The following LMNB1 variants were observed in gnomAD, a reference collection of about 807,000 sequenced individuals.
LMNB1 encodes the protein lamin-B1.
LMNB1 carries 23 observed loss-of-function variants against 67.1 expected under a neutral mutation model. The ratio of observed to expected loss-of-function variants is 0.34; its 90% CI spans 0.25 to 0.49. LMNB1 has a LOEUF of 0.49. Among genes scored for constraint, LMNB1 ranks in the 20% least tolerant of loss-of-function variants. The probability of loss-of-function intolerance (pLI) is 0.99; values close to 1 mark genes in which losing one functional copy is unlikely to be tolerated. For missense variants in LMNB1, 634 were observed against 746.5 expected, an observed-to-expected ratio of 0.85 and a Z score of 1.76; for synonymous variants, 281 against 282.9, an observed-to-expected ratio of 0.99 and a Z score of 0.07.
intron 7 of LMNB1, among the ~76,000 whole-genome samples, chr5:126,821,518 T>C (rs1222650631): frequency 6.6e-6 from 1 of 152,124 alleles, no homozygotes; most frequent in African/African-American, 2.4e-5. Context: ...AATAAAAAGC[T>C]TACTGAAAGA....
Position 126,777,722 on chromosome 5 carries a change from G to T in LMNB1, c.214G>T (p.Gly72Cys). Residue 72 changes from glycine to cysteine, a missense_variant, in exon 1 of 11, where the codon GGC (glycine) becomes TGC (cysteine). Gly to Cys is a radical substitution (Grantham distance 159, BLOSUM62 -3). Transcript: ENST00000261366. Reference sequence around the variant, plus strand: ...GGTGACGGAGCGCGAGGAGGTGCGCGGCCGTGAGCTCACCGGCCTCAAGGC... The same window carrying T: ...GGTGACGGAGCGCGAGGAGGTGCGCTGCCGTGAGCTCACCGGCCTCAAGGC... ...LQVTEREEVR[G>C]RELTGLKALY... The T allele has an allele frequency of 6.5e-7, 1 of 1,542,206 alleles. No individual in the cohort carries two copies. The highest frequency in any genetic ancestry group is 8.7e-7 in the Non-Finnish European group (1 of 1,143,332).
intron 1 of LMNB1, among the ~76,000 whole-genome samples, chr5:126,802,625 A>G (rs1164947922): frequency 6.6e-6 from 1 of 151,710 alleles, no homozygotes; most frequent in Non-Finnish European, 1.5e-5. Context: ...TGTATTTTTT[A>G]TAGAGACAGG....
intron 1 of LMNB1, among the ~76,000 whole-genome samples, chr5:126,789,835 G>A (rs1018520470): frequency 5.3e-5 from 8 of 152,008 alleles, no homozygotes; most frequent in Non-Finnish European, 1.0e-4. Context: ...CAACGAGCCC[G>A]ACTAATTTTT....
intron 1 of LMNB1, among the ~76,000 whole-genome samples, chr5:126,795,441 T>C (rs1257520215): frequency 6.6e-6 from 1 of 151,906 alleles, no homozygotes; most frequent in Non-Finnish European, 1.5e-5. Context: ...CCTGGCCTCC[T>C]AATTCATTTT....
intron 1 of LMNB1, among the ~76,000 whole-genome samples, chr5:126,799,358 A>G (rs1451774214): frequency 6.6e-6 from 1 of 152,242 alleles, no homozygotes; most frequent in African/African-American, 2.4e-5. Context: ...CTAAGGAGGA[A>G]GAGGAAAAAT....
intron 1 of LMNB1, among the ~76,000 whole-genome samples, chr5:126,779,044 A>G (rs902728484): frequency 2.4e-4 from 36 of 152,208 alleles, no homozygotes; most frequent in Non-Finnish European, 5.0e-4. Flanking sequence ...CGCCATTAGC[A>G]CTGCCAGCTG....
intron 1 of LMNB1, among the ~76,000 whole-genome samples, chr5:126,791,217 A>G (rs1440002149): frequency 1.3e-5 from 2 of 151,822 alleles, no homozygotes; most frequent in Admixed American, 6.6e-5. Flanking sequence ...CATTGTGTTG[A>G]TCATCTGATT....
chr5:126,792,871 C>T lies in LMNB1; in HGVS notation c.360-11905C>T, dbSNP rs564891019. ...GATTACAGGCATGAGCCACCGCGCC[C>T]GGCAGCACTAGGGATTTTAAGCAGA... is the stretch of plus-strand genomic sequence containing the variant. On this transcript the variant is annotated intron_variant, in intron 1 of 10. Transcript: ENST00000261366. 4.0e-5 allele frequency among the ~76,000 whole-genome samples: 6 copies of T among 151,884 alleles called. No individual in the cohort carries two copies. The South Asian group carries it at 6.3e-4, about 16-fold the overall frequency.
chr5:126,819,196 T>G (rs776741803), intron 6 of LMNB1, 54 bp downstream of exon 6: 14 of 1,195,470 alleles, frequency 1.2e-5, no homozygotes, highest in Non-Finnish European at 1.7e-5. Flanking sequence ...CCTCTCACCC[T>G]TTTTATTGAA....
At chr5:126,829,886 T>C (rs750093911) in intron 9 of LMNB1, among the ~76,000 whole-genome samples, 1 of 152,026 alleles carries the variant, frequency 6.6e-6, no homozygotes, top group Non-Finnish European at 1.5e-5. Flanking sequence ...GGGGCTCTTA[T>C]TCAGGAGGGA....
intron 6 of LMNB1, 103 bp from the exon 7 acceptor site, chr5:126,820,807 C>A: frequency 1.1e-6 from 1 of 879,720 alleles, no homozygotes; most frequent in Non-Finnish European, 1.7e-6. Flanking sequence ...GGGTTACAGA[C>A]ATGAGCCTCT....
Position 126,810,214 on chromosome 5 carries a change from G to T in LMNB1, c.677G>T (p.Arg226Leu). The change falls in exon 4 of 11, where the codon CGC (arginine) becomes CTC (leucine). Residue 226 changes from arginine to leucine, a missense_variant. Coordinates refer to ENST00000261366, the MANE Select transcript of LMNB1 (RefSeq NM_005573.4). ...GAGACCAGAAGGAAGCATGAAACGC[G>T]CTTGGTAGAGGTGGATTCTGGGCGT... ...INETRRKHET[R>L]LVEVDSGRQI... 6.2e-7 allele frequency: 1 copy of T among 1,613,326 alleles called. No homozygotes were observed. Among genetic ancestry groups the T allele is most frequent in the Non-Finnish European group, 8.5e-7 (1 of 1,179,358 alleles).
intron 1 of LMNB1, among the ~76,000 whole-genome samples, chr5:126,781,068 C>T (rs1185474896): frequency 6.6e-6 from 1 of 152,122 alleles, no homozygotes; most frequent in Non-Finnish European, 1.5e-5. Context: ...GCAGGTGGAT[C>T]ACCTGAAGTC....
chr5:126,832,082 G>A (rs1247358400), intron 9 of LMNB1, among the ~76,000 whole-genome samples: 1 of 152,026 alleles, frequency 6.6e-6, no homozygotes, highest in Non-Finnish European at 1.5e-5. Context: ...CCTGGCCAAC[G>A]TGGCAAAACC....
intron 1 of LMNB1, among the ~76,000 whole-genome samples, chr5:126,788,536 C>A (rs1056425047): frequency 2.0e-5 from 3 of 152,158 alleles, no homozygotes; most frequent in African/African-American, 7.2e-5. Context: ...ACTGTGGAGG[C>A]TGAGGCAGGA....
chr5:126,795,530 C>T (rs1387614003), intron 1 of LMNB1, among the ~76,000 whole-genome samples: 1 of 151,980 alleles, frequency 6.6e-6, no homozygotes, highest in Non-Finnish European at 1.5e-5. Context: ...AAGAATGTAC[C>T]CTAAAGTTAT....
chr5:126,785,627 A>G (rs1283065579), intron 1 of LMNB1, among the ~76,000 whole-genome samples: 1 of 151,934 alleles, frequency 6.6e-6, no homozygotes, highest in Non-Finnish European at 1.5e-5. Flanking sequence ...CAGGCCAAAA[A>G]TTAAATTTTT....
At chr5:126,828,672 C>T (rs965512705) in intron 9 of LMNB1, among the ~76,000 whole-genome samples, 1 of 151,656 alleles carries the variant, frequency 6.6e-6, no homozygotes, top group East Asian at 1.9e-4. Flanking sequence ...ACCTCCGCCT[C>T]CTGCCTCAGC....
At chr5:126,819,340 T>C in intron 6 of LMNB1, 198 bp downstream of exon 6, 2 of 474,036 alleles carry the variant, frequency 4.2e-6, no homozygotes, top group Non-Finnish European at 7.5e-6. Flanking sequence ...TTAGTTTATT[T>C]ATTATTATTA....
Sources: allele counts gnomAD v4.1 joint callset (sites outside exome capture counted in the v4.1 genomes callset), GRCh38; gene constraint gnomAD v4.1.1; transcripts MANE v1.5; gene names NCBI Gene and HGNC (gene_info 2026-07-23, HGNC 2026-07-21).